ST6GALNAC3: variants seen among roughly 807,000 people sequenced by gnomAD.
ST6GALNAC3 encodes the protein ST6 N-acetylgalactosaminide alpha-2,6-sialyltransferase 3, also known as alpha-N-acetylgalactosaminide alpha-2,6-sialyltransferase 3.
A neutral mutation model predicts 32.7 loss-of-function variants in ST6GALNAC3; 25 were observed. The observed-to-expected ratio is 0.76, with a 90% CI of 0.56 to 1.07. ST6GALNAC3 has a LOEUF of 1.07. ST6GALNAC3 is among the 50% of genes least tolerant of loss of function. The pLI is 0.00. For synonymous variants in ST6GALNAC3, 129 were observed against 133.1 expected (o/e 0.97, Z 0.21); for missense variants, 355 against 382.4 (o/e 0.93, Z 0.60).
Position 76,161,352 on chromosome 1 carries a change from C to T in ST6GALNAC3, c.18+86468C>T, listed in dbSNP as rs567908875. Among the ~76,000 whole-genome samples, 65 of 152,298 alleles carry T rather than the reference C, an allele frequency of 4.3e-4. 1 individual carries two copies. The highest frequency in any genetic ancestry group is 7.0e-4 in the African/African-American group (29 of 41,572). ...AGACTTTCAAGATTCTTTGCAACCC[C>T]GAGGTTTTCGATTTGTCGGAGGTAC... On this transcript the variant is annotated intron_variant, in intron 1 of 4. Coordinates refer to ENST00000328299, the MANE Select transcript of ST6GALNAC3 (RefSeq NM_152996.4).
Position 76,455,241 on chromosome 1 carries a change from AT to A in ST6GALNAC3, c.623+42832del, listed in dbSNP as rs953475621. Reference sequence around the variant, plus strand: ...TGTTTTCTGCATATATTATGCATGCATTTTTTTTCTATTTCCTTGTTTTCTG... The same window carrying A: ...TGTTTTCTGCATATATTATGCATGCATTTTTTTCTATTTCCTTGTTTTCTG... On this transcript the variant is annotated intron_variant, in intron 3 of 4. Transcript: ENST00000328299. Among the ~76,000 whole-genome samples the A allele has an allele frequency of 2.2e-3, 334 of 150,962 alleles. 2 individuals are homozygous for A. The highest frequency in any genetic ancestry group is 7.5e-3 in the African/African-American group (308 of 41,210).
At chr1:76,425,720 G>A (rs1415884355) in intron 3 of ST6GALNAC3, among the ~76,000 whole-genome samples, 3 of 151,956 alleles carry the variant, frequency 2.0e-5, no homozygotes, top group African/African-American at 7.2e-5. Flanking sequence ...TGCCGAGAGA[G>A]ACCAAATCTC....
At chr1:76,080,647 A>AG (rs1553152158) in intron 1 of ST6GALNAC3, among the ~76,000 whole-genome samples, 3 of 151,350 alleles carry the variant, frequency 2.0e-5, no homozygotes, top group South Asian at 4.2e-4. Context: ...AAAAAAAAAA[A>AG]CAATCAAAAA....
In ST6GALNAC3 at chr1:76,627,569, C is replaced by G. The variant is rs375651145; in HGVS notation, c.731+10C>G. 240 of 1,585,340 alleles carry G rather than the reference C, an allele frequency of 1.5e-4. 1 individual carries two copies. Among genetic ancestry groups the G allele is most frequent in the Middle Eastern group, 1.7e-4 (1 of 6,010 alleles). ...ATGACACCTACTGCAAGTAAGATCA[C>G]AAGAAATTATTTTTATGCAGCTCCA... On this transcript the variant is annotated intron_variant, in intron 4 of 4. Transcript: ENST00000328299.
At chr1:76,514,767 G>T (rs563006888) in intron 3 of ST6GALNAC3, among the ~76,000 whole-genome samples, 2 of 152,194 alleles carry the variant, frequency 1.3e-5, no homozygotes, top group African/African-American at 4.8e-5. Flanking sequence ...CCAGTCTCTG[G>T]TATTCTCTTA....
chr1:76,345,763 G>A (rs9437137), intron 2 of ST6GALNAC3, among the ~76,000 whole-genome samples: 148,928 of 152,124 alleles, frequency 0.98, 72,987 homozygotes, highest in East Asian at 1. Context: ...AGTAGGACCC[G>A]TTCCTCAGCC....
intron 3 of ST6GALNAC3, among the ~76,000 whole-genome samples, chr1:76,552,616 C>T (rs911480843): frequency 3.3e-5 from 5 of 152,198 alleles, no homozygotes; most frequent in Non-Finnish European, 7.3e-5. Context: ...CCTTGCTGAA[C>T]ACTGACTAAT....
At chr1:76,526,889 C>A (rs1662946000) in intron 3 of ST6GALNAC3, among the ~76,000 whole-genome samples, 1 of 151,990 alleles carries the variant, frequency 6.6e-6, no homozygotes, top group Non-Finnish European at 1.5e-5. Flanking sequence ...ACAAAAAAAG[C>A]CAGTTGTAGA....
intron 3 of ST6GALNAC3, among the ~76,000 whole-genome samples, chr1:76,616,093 G>T (rs1648274021): frequency 6.6e-6 from 1 of 152,174 alleles, no homozygotes; most frequent in African/African-American, 2.4e-5. Context: ...ACTTCTTCCA[G>T]GTACTGATTT....
chr1:76,514,638 T>G (rs1662066055), intron 3 of ST6GALNAC3, among the ~76,000 whole-genome samples: 1 of 152,168 alleles, frequency 6.6e-6, no homozygotes, highest in Non-Finnish European at 1.5e-5. Context: ...ATGCTCTTCC[T>G]TTGACTTTCC....
intron 2 of ST6GALNAC3, among the ~76,000 whole-genome samples, chr1:76,380,386 T>C (rs1230882491): frequency 1.3e-5 from 2 of 152,206 alleles, no homozygotes; most frequent in African/African-American, 2.4e-5. Context: ...GTGCAACCCC[T>C]GTGGTAAACT....
intron 2 of ST6GALNAC3, among the ~76,000 whole-genome samples, chr1:76,332,073 C>CCAGA (rs1318609758): frequency 1.3e-5 from 2 of 152,136 alleles, no homozygotes; most frequent in Non-Finnish European, 2.9e-5. Flanking sequence ...TTCTCCTTAC[C>CCAGA]CAGAGTTAGT....
chr1:76,460,649 G>A (rs567894780), intron 3 of ST6GALNAC3, among the ~76,000 whole-genome samples: 7 of 152,250 alleles, frequency 4.6e-5, no homozygotes, highest in African/African-American at 1.4e-4. Flanking sequence ...GTCAATTGCC[G>A]AATGACTCTG....
At position 76,537,561 on chromosome 1, in the gene ST6GALNAC3, C is replaced by G. The variant is rs764608686; in HGVS notation, c.624-89891C>G. Among the ~76,000 whole-genome samples the G allele has an allele frequency of 2.0e-5, 3 of 151,890 alleles. No homozygotes were observed. In the East Asian group the frequency reaches 5.8e-4, roughly 30 times the overall value. On this transcript the variant is annotated intron_variant, in intron 3 of 4. Transcript: ENST00000328299. ...TTTTGAAAAAATGAACAAAATAGAC[C>G]ATTAGATAAACTAATAAAGAGGAAA...
At chr1:76,182,594 A>C (rs1244482161) in intron 1 of ST6GALNAC3, among the ~76,000 whole-genome samples, 1 of 152,108 alleles carries the variant, frequency 6.6e-6, no homozygotes, top group Non-Finnish European at 1.5e-5. Flanking sequence ...TACTCAAATG[A>C]ATTGCTGATT....
intron 1 of ST6GALNAC3, among the ~76,000 whole-genome samples, chr1:76,140,163 T>C (rs956969817): frequency 2.0e-5 from 3 of 152,176 alleles, no homozygotes; most frequent in Non-Finnish European, 4.4e-5. Flanking sequence ...TCAGCTCTTA[T>C]TGTTTTTTTT....
At chr1:76,257,754 A>G (rs1658000413) in intron 1 of ST6GALNAC3, among the ~76,000 whole-genome samples, 1 of 152,144 alleles carries the variant, frequency 6.6e-6, no homozygotes, top group Non-Finnish European at 1.5e-5. Flanking sequence ...CACAGTTGAT[A>G]TAAGCTGAGA....
At position 76,089,283 on chromosome 1, in the gene ST6GALNAC3, C is replaced by T. The variant is rs1367250887; in HGVS notation, c.18+14399C>T. On this transcript the variant is annotated intron_variant, in intron 1 of 4. Coordinates refer to ENST00000328299, the MANE Select transcript of ST6GALNAC3 (RefSeq NM_152996.4). The stretch of plus-strand genomic sequence containing the variant: ...AGCCAGGATGATCTCAATCTCCTGA[C>T]CTCGTGATCTGCCCGCCTTGGCCTC... Among the ~76,000 whole-genome samples, 3 of 152,230 alleles carry T rather than the reference C, an allele frequency of 2.0e-5. No individual in the cohort carries two copies. The South Asian group carries it at 6.2e-4, about 32-fold the overall frequency.
chr1:76,447,553 C>T (rs1657067433), intron 3 of ST6GALNAC3, among the ~76,000 whole-genome samples: 1 of 152,138 alleles, frequency 6.6e-6, no homozygotes, highest in African/African-American at 2.4e-5. Context: ...GAGGTCTTCA[C>T]AGCAGCCCCA....
Sources: allele counts gnomAD v4.1 joint callset (sites outside exome capture counted in the v4.1 genomes callset), GRCh38; gene constraint gnomAD v4.1.1; transcripts MANE v1.5; gene names NCBI Gene and HGNC (gene_info 2026-07-23, HGNC 2026-07-21).